The following AP1G1 variants were observed in gnomAD, a reference collection of about 807,000 sequenced individuals.
AP1G1 encodes AP-1 complex subunit gamma-1.
AP1G1 carries 7 observed loss-of-function variants against 108.3 expected under a neutral mutation model. The observed-to-expected ratio is 0.06, with a 90% confidence interval of 0.04 to 0.12. The LOEUF is 0.12. Ranked by LOEUF, AP1G1 falls within the 10% of genes least tolerant of loss-of-function variation. AP1G1 has a pLI of 1.00. For synonymous variants in AP1G1, 379 were observed against 353.5 expected, an observed-to-expected ratio of 1.07 and a Z score of -0.81; for missense variants, 756 against 1,010.7, an observed-to-expected ratio of 0.75 and a Z score of 3.42.
chr16:71,745,894 T>C (rs1295807578), intron 17 of AP1G1, among the ~76,000 whole-genome samples: 2 of 152,108 alleles, frequency 1.3e-5, no homozygotes, highest in East Asian at 1.9e-4. Context: ...GGTAAATCCA[T>C]AGGTATTAAC....
chr16:71,789,334 T>C lies in AP1G1; in HGVS notation c.146A>G (p.Asn49Ser). ...REEDNTYRCR[N>S]VAKLLYMHML... Reference sequence around the variant, plus strand: ...GTGCATATACAGTAATTTTGCCACATTCCGACATCGGTATGTATTGTCTTC... The same window carrying C: ...GTGCATATACAGTAATTTTGCCACACTCCGACATCGGTATGTATTGTCTTC... The change falls in exon 2 of 23, where the codon AAT (asparagine) becomes AGT (serine). Residue 49 changes from asparagine to serine, a missense_variant. By Grantham distance (46) the Asn-to-Ser change is conservative (BLOSUM62 1). Coordinates refer to ENST00000299980, the MANE Select transcript of AP1G1 (RefSeq NM_001128.6). 6.2e-7 allele frequency: 1 copy of C among 1,614,242 alleles called. No homozygotes were observed. Among genetic ancestry groups the C allele is most frequent in the Non-Finnish European group, 8.5e-7 (1 of 1,180,044 alleles).
At chr16:71,790,254 A>T (rs1182201593) in intron 1 of AP1G1, among the ~76,000 whole-genome samples, 1 of 152,192 alleles carries the variant, frequency 6.6e-6, no homozygotes, top group Non-Finnish European at 1.5e-5. Context: ...GAATAGACTG[A>T]AGCAGGCCAG....
At chr16:71,801,340 A>C (rs12917983) in intron 1 of AP1G1, among the ~76,000 whole-genome samples, 34,885 of 151,970 alleles carry the variant, frequency 0.23, 4,706 homozygotes, top group Non-Finnish European at 0.31. Flanking sequence ...TGTTAAAAAA[A>C]AAAAAAAGCG....
At chr16:71,755,454 A>G (rs935545165) in intron 12 of AP1G1, among the ~76,000 whole-genome samples, 1 of 152,138 alleles carries the variant, frequency 6.6e-6, no homozygotes, top group Non-Finnish European at 1.5e-5. Flanking sequence ...CCCAAAACAA[A>G]AAAAACCAGC....
At chr16:71,797,003 C>G (rs1488971710) in intron 1 of AP1G1, among the ~76,000 whole-genome samples, 1 of 138,362 alleles carries the variant, frequency 7.2e-6, no homozygotes, top group Admixed American at 7.8e-5. Context: ...GACCCTGACT[C>G]TTAAAAAAAA....
intron 1 of AP1G1, among the ~76,000 whole-genome samples, chr16:71,802,719 G>A (rs1209472515): frequency 6.6e-6 from 1 of 151,680 alleles, no homozygotes; most frequent in African/African-American, 2.4e-5. Flanking sequence ...GACAGAGCAA[G>A]ACTCTGTCTC....
intron 1 of AP1G1, among the ~76,000 whole-genome samples, chr16:71,794,670 G>GA (rs1247318834): frequency 1.3e-5 from 2 of 151,076 alleles, no homozygotes; most frequent in Non-Finnish European, 3.0e-5. Flanking sequence ...CAAACTAAAG[G>GA]AAAAAAATGT....
At chr16:71,775,942 CTT>C (rs1463688147) in intron 2 of AP1G1, among the ~76,000 whole-genome samples, 1 of 152,186 alleles carries the variant, frequency 6.6e-6, no homozygotes, top group African/African-American at 2.4e-5. Context: ...TTCAAAATCA[CTT>C]TGACATACTT....
At chr16:71,795,730 A>G (rs75677208) in intron 1 of AP1G1, among the ~76,000 whole-genome samples, 332 of 152,334 alleles carry the variant, frequency 2.2e-3, no homozygotes, top group Admixed American at 8.2e-3. Flanking sequence ...TTACTTTACA[A>G]TACATCTTAT....
intron 2 of AP1G1, among the ~76,000 whole-genome samples, chr16:71,781,958 G>A (rs1031185416): frequency 2.6e-5 from 4 of 152,134 alleles, no homozygotes; most frequent in South Asian, 2.1e-4. Flanking sequence ...ACCAGGAGGC[G>A]TATAATTATT....
intron 2 of AP1G1, among the ~76,000 whole-genome samples, chr16:71,777,275 G>C (rs986838799): frequency 6.6e-6 from 1 of 151,588 alleles, no homozygotes; most frequent in Non-Finnish European, 1.5e-5. Context: ...CATGAGGCTA[G>C]GGGATGCAGA....
chr16:71,774,665 C>T, intron 2 of AP1G1, 73 bp from the exon 3 acceptor site: 3 of 1,451,852 alleles, frequency 2.1e-6, no homozygotes, highest in Non-Finnish European at 2.8e-6. Flanking sequence ...GTGTTTTTAA[C>T]CCAGAGTCCC....
At chr16:71,781,597 A>C (rs541543195) in intron 2 of AP1G1, among the ~76,000 whole-genome samples, 1 of 152,316 alleles carries the variant, frequency 6.6e-6, no homozygotes, top group East Asian at 1.9e-4. Flanking sequence ...TAAACTTTAA[A>C]CAAATATCAA....
chr16:71,779,204 A>C (rs1399372142), intron 2 of AP1G1, among the ~76,000 whole-genome samples: 1 of 152,174 alleles, frequency 6.6e-6, no homozygotes, highest in African/African-American at 2.4e-5. Flanking sequence ...CCCAAACTTA[A>C]CTGGTCAGAA....
Position 71,797,573 on chromosome 16 carries a change from G to T in AP1G1, c.-3-8091C>A, listed in dbSNP as rs574638011. On this transcript the variant is annotated intron_variant, in intron 1 of 22. Coordinates refer to ENST00000299980, the MANE Select transcript of AP1G1 (RefSeq NM_001128.6). ...CCCAGCACTTTGGGAGGCTGAGGTA[G>T]GCAGATCATGAGGTCAGGAGTTCAA... is the stretch of plus-strand genomic sequence containing the variant. Among the ~76,000 whole-genome samples, 9 of 152,194 alleles carry T rather than the reference G, an allele frequency of 5.9e-5. No homozygotes were observed. The South Asian group carries it at 1.2e-3, about 21-fold the overall frequency.
chr16:71,800,529 C>T (rs1013700085), intron 1 of AP1G1, among the ~76,000 whole-genome samples: 10 of 151,434 alleles, frequency 6.6e-5, no homozygotes, highest in African/African-American at 7.3e-5. Context: ...GGGTCGGGTG[C>T]GGGGGCTCAC....
In AP1G1 at chr16:71,729,431, A is replaced by AG. The variant is rs1188408950; in HGVS notation, c.*3626dup. The stretch of plus-strand genomic sequence containing the variant: ...GCGCAACCGCAGGTTCTTTGAGGGA[A>AG]GAAAAAAAAAAAAAAAAAAACCAAC... On this transcript the variant is annotated 3_prime_UTR_variant, in exon 23 of 23. Coordinates refer to ENST00000299980, the MANE Select transcript of AP1G1 (RefSeq NM_001128.6). The AG allele has an allele frequency of 3.0e-5, 4 of 133,982 alleles. No homozygotes were observed. Among genetic ancestry groups the AG allele is most frequent in the African/African-American group, 9.2e-5 (3 of 32,454 alleles). The allele number at this position is 133,982 out of a possible 1,614,324, so 8.3% of individuals were successfully genotyped here. A position where few individuals can be genotyped will look rare whatever the true frequency, so the allele number is the denominator to read the frequency against.
At position 71,806,855 on chromosome 16, in the gene AP1G1, ATTG is replaced by A. The variant is rs536656343; in HGVS notation, c.-4+1905_-4+1907del. 1.7e-4 allele frequency: 69 copies of A among 405,864 alleles called. 1 individual carries two copies. Among genetic ancestry groups the A allele is most frequent in the African/African-American group, 1.3e-3 (62 of 46,072 alleles). The allele number at this position is 405,864 out of a possible 1,614,324, so 25.1% of individuals were successfully genotyped here. The stretch of plus-strand genomic sequence containing the variant: ...ATCACTGAGTATTTAAACTGAAAAT[ATTG>A]TTTTCTTCTGAGACATCATATGACC... On this transcript the variant is annotated intron_variant, in intron 1 of 22. Coordinates refer to ENST00000299980, the MANE Select transcript of AP1G1 (RefSeq NM_001128.6).
At chr16:71,767,596 C>T (rs1181933281) in intron 6 of AP1G1, among the ~76,000 whole-genome samples, 2 of 152,026 alleles carry the variant, frequency 1.3e-5, no homozygotes, top group Non-Finnish European at 2.9e-5. Flanking sequence ...GGAAACTGCT[C>T]AAAGTTTCTC....
Sources: allele counts gnomAD v4.1 joint callset (sites outside exome capture counted in the v4.1 genomes callset), GRCh38; gene constraint gnomAD v4.1.1; transcripts MANE v1.5; gene names NCBI Gene and HGNC (gene_info 2026-07-23, HGNC 2026-07-21).